Variants in DSCAML1 observed in about 807,000 individuals in gnomAD.
DSCAML1 encodes the protein DS cell adhesion molecule like 1.
In DSCAML1, 38 loss-of-function variants were observed where a neutral mutation model predicts 200.5. That is an observed-to-expected ratio of 0.19 (90% CI 0.15 to 0.25). The LOEUF (loss-of-function observed/expected upper bound fraction) is 0.25, where lower values mean the gene tolerates loss of function less well. DSCAML1 is among the 10% of genes least tolerant of loss of function. The pLI is 1.00. For synonymous variants in DSCAML1, 1,215 were observed against 1,165.0 expected, an observed-to-expected ratio of 1.04 and a Z score of -0.87; for missense variants, 2,223 against 2,858.8, an observed-to-expected ratio of 0.78 and a Z score of 5.07.
intron 3 of DSCAML1, among the ~76,000 whole-genome samples, chr11:117,536,926 T>G (rs1377928420): frequency 6.6e-6 from 1 of 152,254 alleles, no homozygotes; most frequent in African/African-American, 2.4e-5. Context: ...TATTACAAAT[T>G]AGGCCAATGA....
intron 6 of DSCAML1, among the ~76,000 whole-genome samples, chr11:117,519,648 T>C (rs1013745861): frequency 1.1e-4 from 17 of 151,968 alleles, no homozygotes; most frequent in Non-Finnish European, 2.2e-4. Context: ...AGGGAGACCA[T>C]GTCTTTAGAA....
At chr11:117,444,905 C>T (rs908727028) in intron 20 of DSCAML1, among the ~76,000 whole-genome samples, 8 of 152,122 alleles carry the variant, frequency 5.3e-5, no homozygotes, top group East Asian at 1.9e-4. Context: ...TTTGGTCAGC[C>T]GCAGGGAAGG....
At chr11:117,801,898 G>C (rs913667137), upstream of DSCAML1, 7 of 152,350 alleles carry the variant, frequency 4.6e-5, no homozygotes, top group Admixed American at 3.3e-4. Flanking sequence ...CCTCTCTCCT[G>C]CTGTTCTTTC....
chr11:117,743,992 A>G (rs2054469840), intron 3 of DSCAML1, among the ~76,000 whole-genome samples: 1 of 152,040 alleles, frequency 6.6e-6, no homozygotes, highest in Non-Finnish European at 1.5e-5. Context: ...TCTAAATACC[A>G]CCACTCAGCT....
At chr11:117,763,853 A>G (rs139776684) in intron 3 of DSCAML1, among the ~76,000 whole-genome samples, 1 of 151,442 alleles carries the variant, frequency 6.6e-6, no homozygotes, top group East Asian at 2.0e-4. Flanking sequence ...GATCTAGAAC[A>G]CTCTCCCCTG....
At chr11:117,596,945 C>A (rs1376767380) in intron 3 of DSCAML1, among the ~76,000 whole-genome samples, 1 of 152,162 alleles carries the variant, frequency 6.6e-6, no homozygotes, top group Admixed American at 6.5e-5. Context: ...TTTGTCCGTT[C>A]CTGAATTTGT....
In DSCAML1 at chr11:117,505,846, C is replaced by T; in HGVS notation, c.1784-114G>A. On this transcript the variant is annotated intron_variant, in intron 8 of 32. Transcript: ENST00000651296. The surrounding 1 kb of genome is among the most constrained non-coding windows in gnomAD (Gnocchi z 6.7). ...GGGTTGGGCCTTGAACAAAGATCCC[C>T]TGGGGCACTGCAGCCTTGTTCTCCT... 7.7e-7 allele frequency: 1 copy of T among 1,292,294 alleles called. No individual in the cohort carries two copies. 80.1% of individuals were successfully genotyped at this position (1,292,294 alleles called of 1,614,324 possible). A position where few individuals can be genotyped will look rare whatever the true frequency, so the allele number is the denominator to read the frequency against.
chr11:117,675,012 C>T (rs186823442), intron 3 of DSCAML1, among the ~76,000 whole-genome samples: 27 of 152,310 alleles, frequency 1.8e-4, no homozygotes, highest in African/African-American at 5.8e-4. Context: ...GAACCCGCTG[C>T]CTGGGCTCAA....
At chr11:117,672,102 GAAAAA>G (rs71037491) in intron 3 of DSCAML1, among the ~76,000 whole-genome samples, 2 of 94,506 alleles carry the variant, frequency 2.1e-5, no homozygotes, top group Non-Finnish European at 4.0e-5. Context: ...CTCCAGCTCA[GAAAAA>G]AAAAAAAAAA....
At chr11:117,603,450 C>G (rs187107070) in intron 3 of DSCAML1, among the ~76,000 whole-genome samples, 1 of 152,220 alleles carries the variant, frequency 6.6e-6, no homozygotes, top group Non-Finnish European at 1.5e-5. Flanking sequence ...GCAAGTTAAC[C>G]TCTCTAGGCC....
chr11:117,454,556 A>G (rs1199432177), intron 19 of DSCAML1, among the ~76,000 whole-genome samples: 2 of 152,240 alleles, frequency 1.3e-5, no homozygotes, highest in African/African-American at 2.4e-5. Flanking sequence ...ATTATCTTAA[A>G]GTCCATGTTT....
chr11:117,513,173 G>A (rs1461929345), intron 8 of DSCAML1, among the ~76,000 whole-genome samples: 13 of 152,312 alleles, frequency 8.5e-5, no homozygotes, highest in Non-Finnish European at 1.5e-5. Context: ...GGCCCGTGAT[G>A]CTGCTTAAAG....
At chr11:117,772,632 G>A (rs1221078478) in intron 3 of DSCAML1, among the ~76,000 whole-genome samples, 1 of 152,228 alleles carries the variant, frequency 6.6e-6, no homozygotes, top group Non-Finnish European at 1.5e-5. Context: ...ATATAATCAG[G>A]TCTGGTGGAA....
intron 3 of DSCAML1, among the ~76,000 whole-genome samples, chr11:117,677,193 G>A (rs537058236): frequency 3.3e-5 from 5 of 152,292 alleles, no homozygotes; most frequent in African/African-American, 1.2e-4. Flanking sequence ...TTCTTCAGGA[G>A]CCTAAAGCTG....
At chr11:117,588,833 C>T (rs1182020957) in intron 3 of DSCAML1, among the ~76,000 whole-genome samples, 1 of 152,156 alleles carries the variant, frequency 6.6e-6, no homozygotes, top group African/African-American at 2.4e-5. Context: ...TCTAAGCCAC[C>T]CCTCCCTGCC....
chr11:117,494,946 T>A (rs1332540343), intron 11 of DSCAML1, among the ~76,000 whole-genome samples: 2 of 152,158 alleles, frequency 1.3e-5, no homozygotes, highest in Admixed American at 1.3e-4. Context: ...GCCAATACCT[T>A]GATGTCAGAC....
chr11:117,564,247 C>T (rs2050714738), intron 3 of DSCAML1, among the ~76,000 whole-genome samples: 1 of 152,226 alleles, frequency 6.6e-6, no homozygotes, highest in Non-Finnish European at 1.5e-5. Flanking sequence ...CTCTGCTGGT[C>T]TCTTTGGACT....
rs1050807575 is a variant in DSCAML1, at chr11:117,442,165, A to T, written c.3862+1721T>A. ...TGTGTATGCGTGTGTATATGCGTATATGCATGTAGTGTGTATAGTGTGTAT... is the reference window on the plus strand; with the variant it reads ...TGTGTATGCGTGTGTATATGCGTATTTGCATGTAGTGTGTATAGTGTGTAT... On this transcript the variant is annotated intron_variant, in intron 21 of 32. Coordinates refer to ENST00000651296, the MANE Select transcript of DSCAML1 (RefSeq NM_020693.4). 5.3e-5 allele frequency among the ~76,000 whole-genome samples: 8 copies of T among 151,392 alleles called. No individual in the cohort carries two copies. In the East Asian group the frequency reaches 1.6e-3, roughly 30 times the overall value.
intron 3 of DSCAML1, among the ~76,000 whole-genome samples, chr11:117,559,541 T>C (rs2050623217): frequency 6.6e-6 from 1 of 152,224 alleles, no homozygotes; most frequent in South Asian, 2.1e-4. Context: ...AAATGTACCC[T>C]TCCTTTATAA....
Sources: allele counts gnomAD v4.1 joint callset (sites outside exome capture counted in the v4.1 genomes callset), GRCh38; gene constraint gnomAD v4.1.1; non-coding constraint Gnocchi (gnomAD v3.1); transcripts MANE v1.5; gene names NCBI Gene and HGNC (gene_info 2026-07-23, HGNC 2026-07-21).